Variants in SPAG16 observed in about 807,000 individuals in gnomAD.
The protein encoded by SPAG16 is sperm-associated antigen 16 protein.
In SPAG16, 86 loss-of-function variants were observed where a neutral mutation model predicts 80.4. The observed-to-expected ratio is 1.07, with a 90% CI of 0.90 to 1.28. SPAG16 has a LOEUF of 1.28. Ranked by LOEUF, SPAG16 falls within the 50% of genes most tolerant of loss-of-function variation. The pLI, the probability that SPAG16 is intolerant of heterozygous loss-of-function variation, is 0.00. For synonymous variants in SPAG16, 294 were observed against 265.9 expected, an observed-to-expected ratio of 1.11 and a Z score of -1.03; for missense variants, 870 against 765.3, an observed-to-expected ratio of 1.14 and a Z score of -1.61.
chr2:214,259,026 CTTAGTGTTGTGGAGTATTACCTGT>C (rs1235768047), intron 15 of SPAG16, among the ~76,000 whole-genome samples: 3 of 151,944 alleles, frequency 2.0e-5, no homozygotes, highest in Admixed American at 6.6e-5. Context: ...ACTGAGTCAT[CTTAGTGTTGTGGAGTATTACCTGT>C]TTTTTCTCTT....
intron 10 of SPAG16, among the ~76,000 whole-genome samples, chr2:213,593,746 CTTTTTTTTTTTTTT>C (rs541949006): frequency 1.6e-4 from 8 of 50,192 alleles, no homozygotes; most frequent in Admixed American, 2.9e-4. Flanking sequence ...CCCACCACAT[CTTTTTTTTTTTTTT>C]TTTTTTTTTT....
chr2:213,975,064 TA>T (rs2045295725), intron 12 of SPAG16, among the ~76,000 whole-genome samples: 1 of 150,476 alleles, frequency 6.6e-6, no homozygotes, highest in South Asian at 2.1e-4. Flanking sequence ...ATAAAATAAA[TA>T]AAAATTTATA....
chr2:213,404,971 GT>G (rs2068534668), intron 9 of SPAG16, among the ~76,000 whole-genome samples: 1 of 152,230 alleles, frequency 6.6e-6, no homozygotes, highest in Middle Eastern at 3.4e-3. Flanking sequence ...CCAAATTGCA[GT>G]TCTGGTTTTG....
intron 15 of SPAG16, among the ~76,000 whole-genome samples, chr2:214,378,104 G>C (rs969122519): frequency 1.3e-5 from 2 of 152,120 alleles, no homozygotes; most frequent in Non-Finnish European, 2.9e-5. Flanking sequence ...GTAGGAGCTG[G>C]AAAAAGCACA....
At chr2:214,403,874 A>G (rs1701848607) in intron 15 of SPAG16, among the ~76,000 whole-genome samples, 2 of 152,204 alleles carry the variant, frequency 1.3e-5, no homozygotes, top group Non-Finnish European at 2.9e-5. Context: ...CATGAATGGT[A>G]TGAATGAAAT....
intron 10 of SPAG16, among the ~76,000 whole-genome samples, chr2:213,743,770 G>A (rs1384234457): frequency 6.6e-6 from 1 of 151,860 alleles, no homozygotes; most frequent in Non-Finnish European, 1.5e-5. Flanking sequence ...ATTAGATCTC[G>A]TCTTGTCTTC....
At chr2:213,652,852 G>T (rs1489010662) in intron 10 of SPAG16, among the ~76,000 whole-genome samples, 3 of 152,084 alleles carry the variant, frequency 2.0e-5, no homozygotes, top group South Asian at 2.1e-4. Context: ...TCTTGATTAA[G>T]TACAGTTTAT....
At chr2:213,402,765 T>C (rs1479530753) in intron 9 of SPAG16, among the ~76,000 whole-genome samples, 1 of 152,246 alleles carries the variant, frequency 6.6e-6, no homozygotes, top group Non-Finnish European at 1.5e-5. Context: ...CTCATCATTT[T>C]TTATGGCTGC....
At chr2:213,800,838 A>G (rs935004362) in intron 10 of SPAG16, among the ~76,000 whole-genome samples, 1 of 152,196 alleles carries the variant, frequency 6.6e-6, no homozygotes, top group Non-Finnish European at 1.5e-5. Flanking sequence ...ACAGTAGAGT[A>G]CGCTGTGCCA....
At chr2:213,638,876 T>G (rs139728001) in intron 10 of SPAG16, among the ~76,000 whole-genome samples, 3,069 of 152,308 alleles carry the variant, frequency 0.02, 85 homozygotes, top group African/African-American at 0.059. Context: ...GTTATCTATC[T>G]CATTTCTTAG....
intron 9 of SPAG16, among the ~76,000 whole-genome samples, chr2:213,431,717 A>G (rs895276955): frequency 6.6e-6 from 1 of 152,038 alleles, no homozygotes; most frequent in Non-Finnish European, 1.5e-5. Context: ...ACAAAGAAAC[A>G]CTGGACTTCA....
At chr2:213,500,568 G>A (rs1190200258) in intron 10 of SPAG16, among the ~76,000 whole-genome samples, 1 of 152,116 alleles carries the variant, frequency 6.6e-6, no homozygotes, top group African/African-American at 2.4e-5. Flanking sequence ...GAATTAAATG[G>A]TAAGTGAGAG....
At chr2:214,154,524 C>G (rs887317732) in intron 15 of SPAG16, among the ~76,000 whole-genome samples, 1 of 127,430 alleles carries the variant, frequency 7.8e-6, no homozygotes, top group African/African-American at 2.8e-5. Context: ...TTTTCATAAC[C>G]TAACAAGATA....
At chr2:214,272,651 ATGG>A (rs1334951345) in intron 15 of SPAG16, among the ~76,000 whole-genome samples, 6 of 152,214 alleles carry the variant, frequency 3.9e-5, no homozygotes, top group Non-Finnish European at 8.8e-5. Context: ...ATAGTATTCC[ATGG>A]TGTATATGTG....
At chr2:214,271,052 G>C (rs1027663513) in intron 15 of SPAG16, among the ~76,000 whole-genome samples, 4 of 152,142 alleles carry the variant, frequency 2.6e-5, no homozygotes, top group African/African-American at 9.7e-5. Flanking sequence ...CTGAAAAACT[G>C]TGACTTTTGA....
At chr2:213,395,878 TA>T (rs879673257) in intron 9 of SPAG16, among the ~76,000 whole-genome samples, 13 of 152,240 alleles carry the variant, frequency 8.5e-5, no homozygotes, top group Non-Finnish European at 1.3e-4. Context: ...ATTTTTCATG[TA>T]GAGTATAGTA....
intron 15 of SPAG16, among the ~76,000 whole-genome samples, chr2:214,221,832 G>A (rs1214931989): frequency 1.3e-5 from 2 of 151,870 alleles, no homozygotes; most frequent in East Asian, 1.9e-4. Flanking sequence ...TCTTATGTTT[G>A]GGGTTGGTTT....
intron 15 of SPAG16, among the ~76,000 whole-genome samples, chr2:214,163,538 ATGTG>A (rs147445137): frequency 8.7e-5 from 13 of 148,602 alleles, no homozygotes; most frequent in Admixed American, 2.0e-4. Context: ...GTATGTATAT[ATGTG>A]TGTGTGTGTG....
chr2:214,083,173 A>G (rs1004087420), intron 13 of SPAG16, among the ~76,000 whole-genome samples: 3 of 152,192 alleles, frequency 2.0e-5, no homozygotes, highest in African/African-American at 7.2e-5. Context: ...TCAGATTTCC[A>G]TAGAGGGGAC....
Sources: allele counts gnomAD v4.1 joint callset (sites outside exome capture counted in the v4.1 genomes callset), GRCh38; gene constraint gnomAD v4.1.1; transcripts MANE v1.5; gene names NCBI Gene and HGNC (gene_info 2026-07-23, HGNC 2026-07-21).